HID1: variants seen among roughly 807,000 people sequenced by gnomAD.
The protein encoded by HID1 is protein HID1.
In HID1, 42 loss-of-function variants were observed where a neutral mutation model predicts 89.7. The observed-to-expected ratio is 0.47, with a 90% CI of 0.37 to 0.61. The LOEUF (loss-of-function observed/expected upper bound fraction) is 0.61. Ranked by LOEUF, HID1 falls within the 20% of genes least tolerant of loss-of-function variation. HID1 has a pLI of 0.00. For synonymous variants in HID1, 442 were observed against 433.8 expected (o/e 1.02, Z -0.24); for missense variants, 854 against 1,039.3 (o/e 0.82, Z 2.45).
chr17:74,958,085 T>A lies in HID1; in HGVS notation c.1471+56A>T. 1 of 1,513,530 alleles carries A rather than the reference T, an allele frequency of 6.6e-7. No individual in the cohort carries two copies. The highest frequency in any genetic ancestry group is 1.2e-5 in the South Asian group (1 of 83,672). 93.8% of individuals were successfully genotyped at this position (1,513,530 alleles called of 1,614,324 possible). ...ACCTGGAGCAAGTGGCAGGTTGGCC[T>A]GTGGCCTGACACCACCTGGTGGTGA... On this transcript the variant is annotated intron_variant, in intron 12 of 18. Coordinates refer to ENST00000425042, the MANE Select transcript of HID1 (RefSeq NM_030630.3). The surrounding 1 kb of genome is among the most constrained non-coding windows in gnomAD (Gnocchi z 5.2).
intron 6 of HID1, among the ~76,000 whole-genome samples, chr17:74,960,788 T>C (rs1598625759): frequency 6.6e-6 from 1 of 152,148 alleles, no homozygotes; most frequent in East Asian, 1.9e-4. Flanking sequence ...CTAGGAAACC[T>C]GAAGAATAAG....
intron 12 of HID1, chr17:74,957,901 G>C (rs1185330796): frequency 3.7e-6 from 2 of 533,910 alleles, no homozygotes; most frequent in Non-Finnish European, 6.8e-6. Context: ...TGTGAGAAGG[G>C]AATATTAAAT....
chr17:74,952,917 T>C (rs1598614778), intron 16 of HID1, 89 bp downstream of exon 16: 1 of 1,013,396 alleles, frequency 9.9e-7, no homozygotes, highest in African/African-American at 1.6e-5. Context: ...TGAGCTTCCC[T>C]GGGCCAAGGA....
At position 74,972,684 on chromosome 17, in the gene HID1, C is replaced by G. The variant is rs908982974; in HGVS notation, c.-28G>C. The G allele has an allele frequency of 6.5e-7, 1 of 1,529,276 alleles. No individual in the cohort carries two copies. Among genetic ancestry groups the G allele is most frequent in the Non-Finnish European group, 8.8e-7 (1 of 1,136,698 alleles). The allele number at this position is 1,529,276 out of a possible 1,614,324, so 94.7% of individuals were successfully genotyped here. A position where few individuals can be genotyped will look rare whatever the true frequency, so the allele number is the denominator to read the frequency against. On this transcript the variant is annotated 5_prime_UTR_variant, in exon 1 of 19. Transcript: ENST00000425042. The surrounding 1 kb of genome is among the most constrained non-coding windows in gnomAD (Gnocchi z 6.4). ...CTCTGGAGCCCGCTCCGGCCCGGCC[C>G]CCGCCCAGACTCCAACCCGGCTCCG...
rs549390726 is a variant in HID1, at chr17:74,953,635, G to A, written c.1881C>T (p.Thr627=). Residue 627 remains threonine (T), a synonymous_variant, in exon 15 of 19, where the codon ACC becomes ACT. Transcript: ENST00000425042. The part of the protein sequence containing the change: ...LVATPGIDKL[T]EKSQVSEDGT... ...CATCCTCTGACACCTGGGACTTCTC[G>A]GTCAGCTTGTCAATGCCTGGGCAGG... 3.0e-5 allele frequency: 48 copies of A among 1,614,062 alleles called. No homozygotes were observed. The South Asian group carries it at 4.3e-4, about 14-fold the overall frequency.
At chr17:74,954,499 G>C (rs2039358900) in intron 13 of HID1, 134 bp from the exon 14 acceptor site, 2 of 1,464,022 alleles carry the variant, frequency 1.4e-6, no homozygotes, top group East Asian at 2.5e-5. Flanking sequence ...ATGGTACAGG[G>C]AGCCCAAGAG....
intron 1 of HID1, among the ~76,000 whole-genome samples, chr17:74,970,096 T>C (rs1409089039): frequency 6.6e-6 from 1 of 151,736 alleles, no homozygotes; most frequent in East Asian, 1.9e-4. Flanking sequence ...TTTGTATTTT[T>C]AGTAGAGACG....
rs545703148 is a variant in HID1, at chr17:74,953,275, C to G, written c.1972-189G>C. 5.9e-5 allele frequency among the ~76,000 whole-genome samples: 9 copies of G among 152,284 alleles called. No homozygotes were observed. In the South Asian group the frequency reaches 6.2e-4, roughly 11 times the overall value. On this transcript the variant is annotated intron_variant, in intron 15 of 18. Coordinates refer to ENST00000425042, the MANE Select transcript of HID1 (RefSeq NM_030630.3). ...GGTTTAAGGCCAGCAGCTGACAGGG[C>G]AGGCCGGGTAAAGGCCAGCTCAGAT...
rs750025801 is a variant in HID1 at position 74,964,433 on chromosome 17, T to C, written c.216+50A>G. On this transcript the variant is annotated intron_variant, in intron 2 of 18. Coordinates refer to ENST00000425042, the MANE Select transcript of HID1 (RefSeq NM_030630.3). ...CCTGGATGCGCCTGCCTTCTCCTGC[T>C]GTGGGCTGGGAGGGTGGAAGAGTAG... 8 of 1,571,956 alleles carry C rather than the reference T, an allele frequency of 5.1e-6. No homozygotes were observed. The African/African-American group carries it at 1.1e-4, about 21-fold the overall frequency.
chr17:74,956,320 T>C (rs1483065506), intron 12 of HID1, among the ~76,000 whole-genome samples: 1 of 152,122 alleles, frequency 6.6e-6, no homozygotes, highest in African/African-American at 2.4e-5. Context: ...TTGGCCCAAG[T>C]TCCCCAGTAA....
chr17:74,963,865 C>G lies in HID1; in HGVS notation c.262G>C (p.Glu88Gln). 6.2e-7 allele frequency: 1 copy of G among 1,613,936 alleles called. No homozygotes were observed. Among genetic ancestry groups the G allele is most frequent in the Non-Finnish European group, 8.5e-7 (1 of 1,180,030 alleles). Residue 88 changes from glutamate to glutamine, a missense_variant, in exon 3 of 19, where the codon GAG becomes CAG. Coordinates refer to ENST00000425042, the MANE Select transcript of HID1 (RefSeq NM_030630.3). The part of the protein sequence containing the change: ...VQGAESGCHS[E>Q]KEKQIVLNCS... ...TTCAGGACGATCTGCTTCTCCTTCT[C>G]CGAGTGGCAGCCACTCTCAGCTCCC... is the stretch of plus-strand genomic sequence containing the variant.
intron 18 of HID1, 125 bp from the exon 19 acceptor site, chr17:74,951,758 G>A: frequency 7.4e-7 from 1 of 1,345,860 alleles, no homozygotes; most frequent in Non-Finnish European, 1.0e-6. Flanking sequence ...CTGGGCAGCG[G>A]GTGCCACCGT....
In HID1 at chr17:74,959,747, G is replaced by A; in HGVS notation, c.1008+134C>T. 1.1e-6 allele frequency: 1 copy of A among 919,316 alleles called. No homozygotes were observed. The allele number at this position is 919,316 out of a possible 1,614,324, so 56.9% of individuals were successfully genotyped here. A position where few individuals can be genotyped will look rare whatever the true frequency, so the allele number is the denominator to read the frequency against. On this transcript the variant is annotated intron_variant, in intron 8 of 18. Coordinates refer to ENST00000425042, the MANE Select transcript of HID1 (RefSeq NM_030630.3). The surrounding 1 kb of genome is among the most constrained non-coding windows in gnomAD (Gnocchi z 4.6). ...TGCATCTTGAAACCCTCACAGTCCT[G>A]CCACTATTTCACCTAGGGTGGCCCC...
chr17:74,952,146 T>A, intron 17 of HID1, 83 bp from the exon 18 acceptor site: 1 of 1,523,890 alleles, frequency 6.6e-7, no homozygotes. Flanking sequence ...GACCCATGTT[T>A]CCCATCACAC....
Position 74,958,209 on chromosome 17 carries a change from T to C in HID1, c.1403A>G (p.Lys468Arg), listed in dbSNP as rs1390485687. The change falls in exon 12 of 19, where the codon AAG becomes AGG. Residue 468 changes from lysine to arginine, a missense_variant. Lys to Arg is a conservative substitution (Grantham distance 26). Coordinates refer to ENST00000425042, the MANE Select transcript of HID1 (RefSeq NM_030630.3). This position sits in a 1 kb window ranked among gnomAD's most constrained non-coding sequence, Gnocchi z 5.2. ...CCGCTGGTGCCCGCTGGTGATGATC[T>C]TGTGGAACACCTGTGCCAGGAGGGA... ...HADLLIVVFH[K>R]IITSGHQRLQ... 1.9e-6 allele frequency: 3 copies of C among 1,611,174 alleles called. No homozygotes were observed. Among genetic ancestry groups the C allele is most frequent in the Admixed American group, 1.7e-5 (1 of 59,608 alleles).
chr17:74,960,115 G>A lies in HID1; in HGVS notation c.862C>T (p.Leu288Phe). ...EPLVEEAAQV[L>F]IVTLDHDSAS... ...CTGTCGTGGTCCAAAGTGACAATGA[G>A]CACCTGGGCAGCCTCCTCCACCAGG... Residue 288 changes from leucine to phenylalanine, a missense_variant, in exon 7 of 19, where the codon CTC (leucine) becomes TTC (phenylalanine). Leu to Phe is a conservative substitution (Grantham distance 22, BLOSUM62 0). Transcript: ENST00000425042. 6.2e-7 allele frequency: 1 copy of A among 1,614,004 alleles called. No homozygotes were observed. Among genetic ancestry groups the A allele is most frequent in the Non-Finnish European group, 8.5e-7 (1 of 1,180,038 alleles).
At position 74,955,878 on chromosome 17, in the gene HID1, C is replaced by T; in HGVS notation, c.1550G>A (p.Trp517Ter). ...LHLLEAFSTTWFLFSAAQNHH... is the reference protein window; with the variant it reads ...LHLLEAFSTT ...GTTCTGGGCGGCAGAGAAGAGGAACCAGGTGGTGGAGAAGGCCTCCAGCAG... is the reference window on the plus strand; with the variant it reads ...GTTCTGGGCGGCAGAGAAGAGGAACTAGGTGGTGGAGAAGGCCTCCAGCAG... Residue 517 changes from tryptophan (W) to a stop codon, truncating the protein, a stop_gained, in exon 13 of 19, where the codon TGG (tryptophan) becomes TAG (stop). Coordinates refer to ENST00000425042, the MANE Select transcript of HID1 (RefSeq NM_030630.3). LOFTEE classifies it high-confidence loss of function. 6.2e-7 allele frequency: 1 copy of T among 1,614,150 alleles called. No individual in the cohort carries two copies. The highest frequency in any genetic ancestry group is 8.5e-7 in the Non-Finnish European group (1 of 1,180,014).
intron 12 of HID1, among the ~76,000 whole-genome samples, chr17:74,956,693 A>C (rs902730): frequency 0.56 from 84,802 of 152,136 alleles, 24,619 homozygotes; most frequent in East Asian, 0.93. Flanking sequence ...CTAAACCAGA[A>C]CACAGACAGA....
chr17:74,964,483 C>G lies in HID1; in HGVS notation c.216G>C (p.Lys72Asn). ...SPSNLATLCY[K>N]AVEKLVQGAE... ...GCAGGAGGGACTGGGCAGCCCTCAC[C>G]TTGTAGCACAGGGTGGCCAAGTTGG... Residue 72 changes from lysine (K) to asparagine (N), a missense_variant and splice_region_variant, in exon 2 of 19, where the codon AAG (lysine) becomes AAC (asparagine). Transcript: ENST00000425042. 6.2e-7 allele frequency: 1 copy of G among 1,609,052 alleles called. No individual in the cohort carries two copies. The highest frequency in any genetic ancestry group is 8.5e-7 in the Non-Finnish European group (1 of 1,178,006).
Sources: allele counts gnomAD v4.1 joint callset (sites outside exome capture counted in the v4.1 genomes callset), GRCh38; gene constraint gnomAD v4.1.1; non-coding constraint Gnocchi (gnomAD v3.1); transcripts MANE v1.5; gene names NCBI Gene and HGNC (gene_info 2026-07-23, HGNC 2026-07-21).